The following CPA6 variants were observed in gnomAD, a reference collection of about 807,000 sequenced individuals.
CPA6 encodes carboxypeptidase B.
CPA6 carries 58 observed loss-of-function variants against 63.3 expected under a neutral mutation model. That is an observed-to-expected ratio of 0.92 (90% CI 0.74 to 1.14). CPA6 has a LOEUF of 1.14. Ranked by LOEUF, CPA6 falls within the 50% of genes most tolerant of loss-of-function variation. The pLI, the probability that CPA6 is intolerant of heterozygous loss-of-function variation, is 0.00. For synonymous variants in CPA6, 185 were observed against 179.0 expected (o/e 1.03, Z -0.27); for missense variants, 565 against 526.6 (o/e 1.07, Z -0.71).
At chr8:67,688,935 C>T (rs925953325) in intron 1 of CPA6, among the ~76,000 whole-genome samples, 1 of 151,774 alleles carries the variant, frequency 6.6e-6, no homozygotes, top group Admixed American at 6.6e-5. Context: ...TTCTCAGATT[C>T]GAATATACCA....
At chr8:67,712,340 G>A (rs553238961) in intron 1 of CPA6, among the ~76,000 whole-genome samples, 8 of 152,264 alleles carry the variant, frequency 5.3e-5, no homozygotes, top group Non-Finnish European at 8.8e-5. Context: ...TAGCCGTACT[G>A]GGGTGGTAAC....
intron 2 of CPA6, among the ~76,000 whole-genome samples, chr8:67,613,676 A>G (rs949003461): frequency 7.2e-5 from 11 of 152,224 alleles, no homozygotes; most frequent in Non-Finnish European, 1.3e-4. Flanking sequence ...GGAGACCGGG[A>G]AATCCTGGGT....
intron 1 of CPA6, among the ~76,000 whole-genome samples, chr8:67,706,744 A>G (rs543935838): frequency 3.3e-5 from 5 of 152,172 alleles, no homozygotes; most frequent in Non-Finnish European, 7.4e-5. Flanking sequence ...TCTTTAATGA[A>G]AAATTGTAAA....
At chr8:67,690,774 T>G (rs1358249448) in intron 1 of CPA6, among the ~76,000 whole-genome samples, 1 of 152,212 alleles carries the variant, frequency 6.6e-6, no homozygotes, top group Non-Finnish European at 1.5e-5. Context: ...TCAACTTCAA[T>G]ACATATTTAA....
At chr8:67,663,584 C>T (rs1348670132) in intron 1 of CPA6, among the ~76,000 whole-genome samples, 1 of 152,050 alleles carries the variant, frequency 6.6e-6, no homozygotes, top group East Asian at 1.9e-4. Context: ...CATGTGTTCT[C>T]ATTGGTCAGC....
intron 1 of CPA6, among the ~76,000 whole-genome samples, chr8:67,632,277 C>T (rs562080319): frequency 5.3e-5 from 8 of 151,906 alleles, no homozygotes; most frequent in Non-Finnish European, 1.0e-4. Context: ...CTCAAGTGAT[C>T]CTCCTACCTC....
chr8:67,444,056 A>G (rs538116835), intron 8 of CPA6, among the ~76,000 whole-genome samples: 138 of 151,264 alleles, frequency 9.1e-4, no homozygotes, highest in African/African-American at 3.2e-3. Context: ...CAGTGGTGCA[A>G]TCTCGGCTCA....
intron 9 of CPA6, among the ~76,000 whole-genome samples, chr8:67,432,957 G>C (rs1458802491): frequency 6.6e-6 from 1 of 152,154 alleles, no homozygotes; most frequent in African/African-American, 2.4e-5. Context: ...CAGTCATGTG[G>C]GACTGAGTCC....
intron 2 of CPA6, among the ~76,000 whole-genome samples, chr8:67,588,009 G>A (rs1301855107): frequency 1.3e-5 from 2 of 152,166 alleles, no homozygotes; most frequent in African/African-American, 2.4e-5. Flanking sequence ...TGGTACAGGT[G>A]TGCTTGAGGT....
intron 3 of CPA6, among the ~76,000 whole-genome samples, chr8:67,514,780 G>A (rs987045423): frequency 2.0e-5 from 3 of 152,150 alleles, no homozygotes; most frequent in Admixed American, 6.5e-5. Context: ...TGGTTACTGA[G>A]CACCTATAGA....
intron 1 of CPA6, among the ~76,000 whole-genome samples, chr8:67,698,301 T>C (rs780794055): frequency 8.5e-5 from 13 of 152,166 alleles, no homozygotes; most frequent in Admixed American, 3.3e-4. Flanking sequence ...GATGATTTCA[T>C]AGGGCAAGGG....
At chr8:67,443,041 T>A (rs1810329733) in intron 8 of CPA6, among the ~76,000 whole-genome samples, 1 of 150,982 alleles carries the variant, frequency 6.6e-6, no homozygotes, top group Non-Finnish European at 1.5e-5. Flanking sequence ...ACCTGCATCA[T>A]GGCAAAAAAG....
chr8:67,484,236 AT>A (rs962749948), intron 7 of CPA6, among the ~76,000 whole-genome samples: 4 of 149,298 alleles, frequency 2.7e-5, no homozygotes, highest in Non-Finnish European at 5.9e-5. Context: ...CGCCCGGCTA[AT>A]TTTTTTTTGT....
rs768017925 is a variant in CPA6, at chr8:67,422,636, T to C, written c.1182A>G (p.Ala394=). 5.0e-6 allele frequency: 8 copies of C among 1,613,888 alleles called. No homozygotes were observed. The African/African-American group carries it at 9.4e-5, about 19-fold the overall frequency. Residue 394 remains alanine, a synonymous_variant, in exon 11 of 11, where the codon GCA becomes GCG. Transcript: ENST00000297770. ...DWAYKNGIPY[A]FAFELRDTGY... is the part of the protein sequence containing the mutation. ...CAGTGTCACGTAGTTCGAAAGCAAA[T>C]GCATAAGGTATTCCATTTTTGTAGG...
chr8:67,605,531 C>CTTTTTTTTTTTTTTTTTTTTTTTT (rs68153641), intron 2 of CPA6, among the ~76,000 whole-genome samples: 1 of 125,268 alleles, frequency 8.0e-6, no homozygotes, highest in Non-Finnish European at 1.7e-5. Context: ...TATTGTATTG[C>CTTTTTTTTTTTTTTTTTTTTTTTT]TTTTTTTTTT....
At chr8:67,494,131 G>T (rs1811660964) in intron 6 of CPA6, among the ~76,000 whole-genome samples, 1 of 151,546 alleles carries the variant, frequency 6.6e-6, no homozygotes, top group African/African-American at 2.4e-5. Flanking sequence ...TTAACATTTG[G>T]CATTTTTTCA....
intron 8 of CPA6, among the ~76,000 whole-genome samples, chr8:67,461,673 G>T (rs971864432): frequency 6.6e-6 from 1 of 152,010 alleles, no homozygotes; most frequent in Admixed American, 6.5e-5. Context: ...CGGACGGGGC[G>T]GCTGGCCGGG....
chr8:67,447,215 A>G (rs1810445955), intron 8 of CPA6, among the ~76,000 whole-genome samples: 1 of 151,688 alleles, frequency 6.6e-6, no homozygotes, highest in African/African-American at 2.4e-5. Flanking sequence ...TTCTTCAATG[A>G]TATTTTGTGG....
intron 1 of CPA6, among the ~76,000 whole-genome samples, chr8:67,628,689 A>T (rs748142018): frequency 1.3e-5 from 2 of 152,256 alleles, no homozygotes; most frequent in Non-Finnish European, 2.9e-5. Context: ...AAATATAATA[A>T]GTTCTTGATT....
Sources: gnomAD v4.1 joint callset for allele counts (sites outside exome capture counted in the v4.1 genomes callset) on GRCh38, gnomAD v4.1.1 for gene constraint, MANE v1.5 for transcripts, NCBI Gene and HGNC (gene_info 2026-07-23, HGNC 2026-07-21) for gene names.